Variants in HECW2 observed in about 807,000 individuals in gnomAD.
HECW2 encodes the protein E3 ubiquitin-protein ligase HECW2.
A neutral mutation model predicts 175.2 loss-of-function variants in HECW2; 61 were observed. The observed-to-expected ratio is 0.35, with a 90% confidence interval of 0.28 to 0.43. The LOEUF (loss-of-function observed/expected upper bound fraction) is 0.43. HECW2 is among the 20% of genes least tolerant of loss of function. The pLI, the probability that HECW2 is intolerant of heterozygous loss-of-function variation, is 1.00. For synonymous variants in HECW2, 671 were observed against 731.0 expected (o/e 0.92, Z 1.32); for missense variants, 1,524 against 2,000.5 (o/e 0.76, Z 4.54).
chr2:196,545,034 T>C (rs11900647), intron 1 of HECW2, among the ~76,000 whole-genome samples: 5,399 of 152,276 alleles, frequency 0.035, 320 homozygotes, highest in African/African-American at 0.12. Context: ...TGTGGATGTG[T>C]GTGTGTGTGA....
At chr2:196,331,497 T>A (rs1055418196) in intron 4 of HECW2, among the ~76,000 whole-genome samples, 1 of 152,212 alleles carries the variant, frequency 6.6e-6, no homozygotes, top group Non-Finnish European at 1.5e-5. Context: ...CAGTAAGATG[T>A]GCCACCCCTC....
chr2:196,387,859 AT>A (rs1490222569), intron 2 of HECW2, among the ~76,000 whole-genome samples: 2 of 152,226 alleles, frequency 1.3e-5, no homozygotes, highest in Non-Finnish European at 2.9e-5. Context: ...GACTTTGGGA[AT>A]ATCATTTAGC....
intron 10 of HECW2, among the ~76,000 whole-genome samples, chr2:196,315,180 G>A (rs938291125): frequency 6.7e-6 from 1 of 150,084 alleles, no homozygotes; most frequent in African/African-American, 2.4e-5. Context: ...GTGTGTGTGT[G>A]TGTGTGTGTG....
chr2:196,337,315 A>AT (rs36056934), intron 3 of HECW2, among the ~76,000 whole-genome samples: 3,907 of 145,314 alleles, frequency 0.027, 124 homozygotes, highest in African/African-American at 0.073. Context: ...CAAGAGGAGC[A>AT]TTTTTTTTTT....
At chr2:196,572,120 G>A (rs1690409598) in intron 1 of HECW2, among the ~76,000 whole-genome samples, 1 of 152,176 alleles carries the variant, frequency 6.6e-6, no homozygotes, top group Non-Finnish European at 1.5e-5. Flanking sequence ...CGTAGTGACT[G>A]CCAAGGACTG....
intron 16 of HECW2, among the ~76,000 whole-genome samples, chr2:196,273,398 C>A (rs1018579151): frequency 3.3e-5 from 5 of 152,102 alleles, no homozygotes; most frequent in African/African-American, 1.2e-4. Flanking sequence ...GAGCACGGAG[C>A]CCATATGGCC....
intron 2 of HECW2, among the ~76,000 whole-genome samples, chr2:196,377,810 T>G (rs1312313442): frequency 6.6e-6 from 1 of 152,236 alleles, no homozygotes; most frequent in Non-Finnish European, 1.5e-5. Flanking sequence ...TAAGTTTTTC[T>G]CACTGTTTCT....
intron 2 of HECW2, among the ~76,000 whole-genome samples, chr2:196,402,375 T>C (rs1309046347): frequency 6.6e-6 from 1 of 152,182 alleles, no homozygotes; most frequent in Admixed American, 6.5e-5. Flanking sequence ...GATTTACTTT[T>C]TATTCTTAGT....
At chr2:196,485,623 C>T (rs945181337) in intron 1 of HECW2, among the ~76,000 whole-genome samples, 1 of 152,116 alleles carries the variant, frequency 6.6e-6, no homozygotes, top group African/African-American at 2.4e-5. Flanking sequence ...GATTAAGTTT[C>T]AACACCAAAT....
At chr2:196,406,298 TTGTCCTACTC>T (rs1694964373) in intron 2 of HECW2, among the ~76,000 whole-genome samples, 1 of 152,206 alleles carries the variant, frequency 6.6e-6, no homozygotes, top group Admixed American at 6.5e-5. Flanking sequence ...CTTCAGTAAA[TTGTCCTACTC>T]TGGCCAACAA....
chr2:196,539,788 T>A (rs1325063553), intron 1 of HECW2, among the ~76,000 whole-genome samples: 1 of 152,124 alleles, frequency 6.6e-6, no homozygotes, highest in African/African-American at 2.4e-5. Flanking sequence ...GAATATAAGA[T>A]AGGTTCAATA....
intron 1 of HECW2, among the ~76,000 whole-genome samples, chr2:196,569,941 T>C (rs1213607725): frequency 5.3e-5 from 8 of 152,242 alleles, no homozygotes; most frequent in Non-Finnish European, 1.0e-4. Context: ...GGTAGGAGAA[T>C]GCCTGAACCC....
intron 2 of HECW2, among the ~76,000 whole-genome samples, chr2:196,357,864 C>T (rs765942555): frequency 6.6e-6 from 1 of 152,196 alleles, no homozygotes; most frequent in Non-Finnish European, 1.5e-5. Flanking sequence ...TCGTAAGTTT[C>T]CTGAGGCCTC....
intron 19 of HECW2, among the ~76,000 whole-genome samples, chr2:196,244,471 G>T (rs1688574403): frequency 6.6e-6 from 1 of 152,178 alleles, no homozygotes; most frequent in African/African-American, 2.4e-5. Context: ...TTTCCTTGGG[G>T]ATCCAGCGGG....
At chr2:196,476,745 T>G (rs776079949) in intron 1 of HECW2, among the ~76,000 whole-genome samples, 1 of 151,822 alleles carries the variant, frequency 6.6e-6, no homozygotes, top group African/African-American at 2.4e-5. Flanking sequence ...ATTTGGTTAC[T>G]GATAAATTCA....
chr2:196,433,960 G>A (rs140479158), intron 1 of HECW2, among the ~76,000 whole-genome samples: 40 of 152,308 alleles, frequency 2.6e-4, no homozygotes, highest in African/African-American at 9.6e-4. Flanking sequence ...TCAGGAGCTT[G>A]CTCAAATGTT....
At chr2:196,521,750 G>T (rs1371779285) in intron 1 of HECW2, among the ~76,000 whole-genome samples, 1 of 149,314 alleles carries the variant, frequency 6.7e-6, no homozygotes, top group Admixed American at 6.7e-5. Flanking sequence ...TTTTGTTCTT[G>T]TGATAGTTTA....
At chr2:196,338,279 GA>G (rs1444452282) in intron 3 of HECW2, among the ~76,000 whole-genome samples, 1 of 152,116 alleles carries the variant, frequency 6.6e-6, no homozygotes, top group Non-Finnish European at 1.5e-5. Context: ...TTTAAAAGAA[GA>G]ATACATTTCT....
intron 2 of HECW2, among the ~76,000 whole-genome samples, chr2:196,369,435 C>T (rs1370729674): frequency 6.6e-6 from 1 of 151,560 alleles, no homozygotes; most frequent in African/African-American, 2.4e-5. Flanking sequence ...CTCCTGTTGT[C>T]ACCACCACTG....
Sources: gnomAD v4.1 joint callset for allele counts (sites outside exome capture counted in the v4.1 genomes callset) on GRCh38, gnomAD v4.1.1 for gene constraint, MANE v1.5 for transcripts, NCBI Gene and HGNC (gene_info 2026-07-23, HGNC 2026-07-21) for gene names.